Variants in STK33 observed in about 807,000 individuals in gnomAD.
The protein encoded by STK33 is serine/threonine kinase 33.
A neutral mutation model predicts 58.0 loss-of-function variants in STK33; 52 were observed. That is an observed-to-expected ratio of 0.90 (90% CI 0.72 to 1.13). The LOEUF is 1.13. STK33 is among the 50% of genes most tolerant of loss of function. The probability of loss-of-function intolerance (pLI) is 0.00; values close to 1 mark genes in which losing one functional copy is unlikely to be tolerated. For synonymous variants in STK33, 215 were observed against 200.1 expected (o/e 1.07, Z -0.63); for missense variants, 630 against 604.2 (o/e 1.04, Z -0.45).
chr11:8,515,741 G>C (rs1952718062), intron 1 of STK33, among the ~76,000 whole-genome samples: 1 of 152,096 alleles, frequency 6.6e-6, no homozygotes, highest in East Asian at 1.9e-4. Flanking sequence ...TCACATCTTT[G>C]TCTCAATAGA....
chr11:8,391,479 C>T (rs1171388821), downstream of STK33, among the ~76,000 whole-genome samples: 2 of 152,154 alleles, frequency 1.3e-5, no homozygotes, highest in African/African-American at 4.8e-5. Flanking sequence ...TTTTTAGTTA[C>T]CAAGTGGATT....
intron 1 of STK33, among the ~76,000 whole-genome samples, chr11:8,499,621 C>G (rs1019373461): frequency 6.6e-6 from 1 of 152,164 alleles, no homozygotes; most frequent in South Asian, 2.1e-4. Context: ...CACATGCACA[C>G]GTAGGTTTAT....
intron 1 of STK33, among the ~76,000 whole-genome samples, chr11:8,490,292 C>A (rs886588317): frequency 1.3e-5 from 2 of 152,220 alleles, no homozygotes; most frequent in Non-Finnish European, 2.9e-5. Context: ...ATAGGTCCTA[C>A]GCCTATGGAG....
intron 14 of STK33, among the ~76,000 whole-genome samples, chr11:8,433,651 A>G (rs944516585): frequency 6.6e-6 from 1 of 152,190 alleles, no homozygotes; most frequent in Non-Finnish European, 1.5e-5. Flanking sequence ...TTTCTCCTAC[A>G]GTCTTCCATA....
chr11:8,448,448 G>T (rs1945811916), intron 11 of STK33, among the ~76,000 whole-genome samples: 1 of 152,082 alleles, frequency 6.6e-6, no homozygotes, highest in Admixed American at 6.5e-5. Flanking sequence ...TAGACCAATG[G>T]AACAGAACAG....
intron 1 of STK33, among the ~76,000 whole-genome samples, chr11:8,506,774 TTCCC>T (rs1357393052): frequency 6.6e-6 from 1 of 152,154 alleles, no homozygotes; most frequent in Non-Finnish European, 1.5e-5. Context: ...TATGGCCATT[TTCCC>T]TCTTATATTT....
chr11:8,487,421 CAAAAAA>C (rs35061686), intron 1 of STK33, among the ~76,000 whole-genome samples: 2 of 103,018 alleles, frequency 1.9e-5, no homozygotes, highest in South Asian at 5.8e-4. Context: ...GACCCAGTCT[CAAAAAA>C]AAAAAAAAAA....
At chr11:8,416,569 C>T (rs1433957825) in intron 14 of STK33, among the ~76,000 whole-genome samples, 1 of 152,146 alleles carries the variant, frequency 6.6e-6, no homozygotes, top group East Asian at 1.9e-4. Flanking sequence ...TGCTATTTTA[C>T]TGTCCCACAC....
chr11:8,406,252 C>T (rs1939190651), intron 15 of STK33, among the ~76,000 whole-genome samples: 2 of 151,608 alleles, frequency 1.3e-5, no homozygotes, highest in Non-Finnish European at 2.9e-5. Flanking sequence ...TACATCAATA[C>T]CACATTGTAT....
intron 1 of STK33, among the ~76,000 whole-genome samples, chr11:8,552,902 A>C (rs547585821): frequency 6.6e-6 from 1 of 151,870 alleles, no homozygotes; most frequent in South Asian, 2.1e-4. Flanking sequence ...TATAATCCCA[A>C]CACTTTGGGA....
At chr11:8,483,650 T>G (rs1015463560) in intron 1 of STK33, among the ~76,000 whole-genome samples, 3 of 152,170 alleles carry the variant, frequency 2.0e-5, no homozygotes, top group African/African-American at 7.2e-5. Context: ...CATCAATGTC[T>G]GCTGAAAATA....
chr11:8,495,040 G>A (rs1191734601), intron 1 of STK33, among the ~76,000 whole-genome samples: 10 of 152,150 alleles, frequency 6.6e-5, no homozygotes, highest in Non-Finnish European at 2.9e-5. Context: ...CATGGGCAAA[G>A]AATTCATGAC....
At chr11:8,575,822 A>G (rs1305297177) in intron 1 of STK33, among the ~76,000 whole-genome samples, 1 of 152,186 alleles carries the variant, frequency 6.6e-6, no homozygotes, top group Non-Finnish European at 1.5e-5. Flanking sequence ...TTAACGTTTG[A>G]AAATCAATCT....
intron 2 of STK33, among the ~76,000 whole-genome samples, chr11:8,479,638 T>C (rs534217953): frequency 1.3e-5 from 2 of 151,644 alleles, no homozygotes; most frequent in African/African-American, 2.4e-5. Flanking sequence ...CAGTCAGGAG[T>C]TCGAGATCAG....
chr11:8,402,470 TG>T (rs1167359036), intron 15 of STK33, among the ~76,000 whole-genome samples: 1 of 151,588 alleles, frequency 6.6e-6, no homozygotes, highest in Non-Finnish European at 1.5e-5. Context: ...TGTTGTGGGG[TG>T]GGGGCAGCGA....
the STK33 span, among the ~76,000 whole-genome samples, chr11:8,344,198 A>AACACACATACACACAC: frequency 7.3e-6 from 1 of 137,118 alleles, no homozygotes; most frequent in African/African-American, 2.8e-5. Context: ...AAACAAACAA[A>AACACACATACACACAC]ACACACACAC....
chr11:8,537,493 T>A (rs1025953476), intron 1 of STK33, among the ~76,000 whole-genome samples: 1 of 152,240 alleles, frequency 6.6e-6, no homozygotes, highest in South Asian at 2.1e-4. Flanking sequence ...CCAACACTTG[T>A]GTCATCTCAA....
rs368029634 is a variant in STK33 at position 8,503,950 on chromosome 11, TAACA to T, written c.-465-23340_-465-23337del. Among the ~76,000 whole-genome samples the T allele has an allele frequency of 1.1e-4, 16 of 152,292 alleles. 1 individual carries two copies. The highest frequency in any genetic ancestry group is 3.8e-4 in the African/African-American group (16 of 41,566). ...GTAGGACTCTTTTTCCTTCAGCAAT[TAACA>T]AACATCAAATGGAACACAATAGCTT... On this transcript the variant is annotated intron_variant, in intron 1 of 15. Transcript: ENST00000687296.
intron 6 of STK33, among the ~76,000 whole-genome samples, chr11:8,470,039 A>G (rs779511885): frequency 1.4e-4 from 21 of 152,244 alleles, no homozygotes; most frequent in Non-Finnish European, 2.8e-4. Flanking sequence ...AGTGGCTTCA[A>G]CTTAAAGTCA....
Sources: allele counts gnomAD v4.1 joint callset (sites outside exome capture counted in the v4.1 genomes callset), GRCh38; gene constraint gnomAD v4.1.1; transcripts MANE v1.5; gene names NCBI Gene and HGNC (gene_info 2026-07-23, HGNC 2026-07-21).